The following DNAH9 variants were observed in gnomAD, a reference collection of about 807,000 sequenced individuals.
DNAH9 encodes DNAH9 variant protein.
DNAH9 carries 345 observed loss-of-function variants against 471.6 expected under a neutral mutation model. That is an observed-to-expected ratio of 0.73 (90% CI 0.67 to 0.80). The LOEUF (loss-of-function observed/expected upper bound fraction) is 0.80, where lower values mean the gene tolerates loss of function less well. Among genes scored for constraint, DNAH9 ranks in the 30% least tolerant of loss-of-function variants. The probability of loss-of-function intolerance (pLI) is 0.00; values close to 1 mark genes in which losing one functional copy is unlikely to be tolerated. For missense variants in DNAH9, 5,407 were observed against 5,609.2 expected (o/e 0.96, Z 1.15); for synonymous variants, 2,093 against 2,123.6 (o/e 0.99, Z 0.40).
intron 9 of DNAH9, among the ~76,000 whole-genome samples, chr17:11,637,166 C>G (rs2073181502): frequency 6.6e-6 from 1 of 152,182 alleles, no homozygotes; most frequent in Admixed American, 6.5e-5. Flanking sequence ...CTTCCAATGC[C>G]ATAGCAACCA....
chr17:11,827,043 T>C (rs1484894407), intron 48 of DNAH9, among the ~76,000 whole-genome samples: 1 of 152,214 alleles, frequency 6.6e-6, no homozygotes, highest in Non-Finnish European at 1.5e-5. Flanking sequence ...CAGGATTGTC[T>C]CAATCTCTTA....
intron 40 of DNAH9, 149 bp from the exon 41 acceptor site, chr17:11,784,151 C>A: frequency 8.3e-7 from 1 of 1,204,272 alleles, no homozygotes; most frequent in Non-Finnish European, 1.2e-6. Context: ...ATTTTAGGTT[C>A]AACCTAAATT....
intron 53 of DNAH9, chr17:11,875,679 A>T (rs1404453504): frequency 6.4e-6 from 1 of 155,252 alleles, no homozygotes; most frequent in Non-Finnish European, 1.4e-5. Context: ...TAGTTATGAA[A>T]CCTTCAGAGC....
At chr17:11,720,374 A>G (rs1279076789) in intron 27 of DNAH9, among the ~76,000 whole-genome samples, 2 of 152,068 alleles carry the variant, frequency 1.3e-5, no homozygotes. Context: ...TATTAGTTGT[A>G]TCTCCTAATG....
At chr17:11,787,109 G>A (rs183550002) in intron 41 of DNAH9, among the ~76,000 whole-genome samples, 3 of 152,234 alleles carry the variant, frequency 2.0e-5, no homozygotes, top group Admixed American at 6.5e-5. Flanking sequence ...AACAATTCAC[G>A]AATCCGAATT....
intron 28 of DNAH9, among the ~76,000 whole-genome samples, chr17:11,732,491 G>A (rs189357169): frequency 1.7e-3 from 252 of 151,952 alleles, no homozygotes; most frequent in African/African-American, 5.6e-3. Context: ...CCTCTCCACT[G>A]CTTGTCCGTC....
Position 11,783,696 on chromosome 17 carries a change from T to C in DNAH9, c.7769T>C (p.Val2590Ala). The change falls in exon 40 of 69, where the codon GTT (valine) becomes GCT (alanine). Residue 2590 changes from valine (V) to alanine (A), a missense_variant. Val to Ala is a moderately conservative substitution (Grantham distance 64). Around this residue, in one of 3 missense-constraint regions of DNAH9, gnomAD observed 4,636 missense variants for 4,900.3 expected, o/e 0.95. Coordinates refer to ENST00000262442, the MANE Select transcript of DNAH9 (RefSeq NM_001372.4). ...SLKEITNVQY[V>A]SCMNPTAGSF... is the part of the protein sequence containing the mutation. The stretch of plus-strand genomic sequence containing the variant: ...AAGGAGATCACAAATGTACAGTATG[T>C]TTCCTGTATGAACCCCACGGCAGGC... 6.2e-7 allele frequency: 1 copy of C among 1,614,122 alleles called. No individual in the cohort carries two copies. Among genetic ancestry groups the C allele is most frequent in the East Asian group, 2.2e-5 (1 of 44,868 alleles).
chr17:11,685,003 T>C (rs1398029901), intron 19 of DNAH9, among the ~76,000 whole-genome samples: 1 of 152,022 alleles, frequency 6.6e-6, no homozygotes, highest in Non-Finnish European at 1.5e-5. Context: ...TTTCATGGAG[T>C]AGATGAGGTT....
At chr17:11,698,714 A>G (rs2074537352) in intron 22 of DNAH9, among the ~76,000 whole-genome samples, 1 of 152,062 alleles carries the variant, frequency 6.6e-6, no homozygotes, top group Non-Finnish European at 1.5e-5. Flanking sequence ...ACCAGGGGGC[A>G]GGTTCTGTTT....
chr17:11,632,793 G>A, intron 8 of DNAH9, 90 bp downstream of exon 8: 1 of 619,346 alleles, frequency 1.6e-6, no homozygotes, highest in East Asian at 2.5e-5. Flanking sequence ...CACCTGTTCT[G>A]TTCCTGCAAC....
At chr17:11,654,791 A>G (rs1056059749) in intron 14 of DNAH9, among the ~76,000 whole-genome samples, 2 of 152,054 alleles carry the variant, frequency 1.3e-5, no homozygotes, top group Admixed American at 6.6e-5. Context: ...TACTTTCATT[A>G]TCATTTTATT....
chr17:11,960,813 T>C (rs940055933), intron 67 of DNAH9, among the ~76,000 whole-genome samples: 1 of 152,230 alleles, frequency 6.6e-6, no homozygotes, highest in African/African-American at 2.4e-5. Flanking sequence ...TAGAATTCCA[T>C]GTGCCAGTCT....
intron 17 of DNAH9, among the ~76,000 whole-genome samples, chr17:11,677,533 TC>T (rs2074067003): frequency 6.6e-6 from 1 of 152,232 alleles, no homozygotes. Flanking sequence ...GCTGTGCCCT[TC>T]CATTAGAAGA....
intron 66 of DNAH9, among the ~76,000 whole-genome samples, chr17:11,940,101 A>G (rs1974852714): frequency 6.6e-6 from 1 of 152,254 alleles, no homozygotes. Flanking sequence ...AGAAATGTTT[A>G]GATTTTTCTG....
rs139235623 is a variant in DNAH9, at chr17:11,799,727, G to A, written c.8420+1934G>A. Among the ~76,000 whole-genome samples, 1,457 of 152,196 alleles carry A rather than the reference G, an allele frequency of 9.6e-3. 23 individuals carry two copies. The highest frequency in any genetic ancestry group is 0.034 in the African/African-American group (1,393 of 41,508). ...GCCTCTGAAGTAGCTGGGATTACAG[G>A]TGCCCACCACCAGGCCTGGCTAATT... is the stretch of plus-strand genomic sequence containing the variant. On this transcript the variant is annotated intron_variant, in intron 43 of 68. Coordinates refer to ENST00000262442, the MANE Select transcript of DNAH9 (RefSeq NM_001372.4).
At chr17:11,857,783 G>A (rs1971679528) in intron 50 of DNAH9, among the ~76,000 whole-genome samples, 1 of 152,138 alleles carries the variant, frequency 6.6e-6, no homozygotes, top group Non-Finnish European at 1.5e-5. Context: ...CAGTGAGTGA[G>A]TTCTTGTGAT....
chr17:11,756,605 A>AC lies in DNAH9; in HGVS notation c.6780dup (p.Thr2261HisfsTer7). ...GCCAGCAATGAGAGGATTCCTCTGAACCCCACCATGAAGCTCCTCTTTGAG... is the reference window on the plus strand; with the variant it reads ...GCCAGCAATGAGAGGATTCCTCTGAACCCCCACCATGAAGCTCCTCTTTGAG... On this transcript the variant is annotated frameshift_variant, in exon 34 of 69. Transcript: ENST00000262442. LOFTEE classifies it high-confidence loss of function. 1 of 1,613,746 alleles carries AC rather than the reference A, an allele frequency of 6.2e-7. No individual in the cohort carries two copies. The highest frequency in any genetic ancestry group is 8.5e-7 in the Non-Finnish European group (1 of 1,179,772).
In DNAH9 at chr17:11,617,554, A is replaced by C. The variant is rs1472675912; in HGVS notation, c.1048A>C (p.Lys350Gln). 1.2e-6 allele frequency: 2 copies of C among 1,614,144 alleles called. No homozygotes were observed. ...GGTCTGTCTGATTTGGGCCACATGC[A>C]AGTCCTACCGCTCCCCGGGAAGGCT... ...HVVCLIWATC[K>Q]SYRSPGRLTV... The change falls in exon 5 of 69, where the codon AAG becomes CAG. Residue 350 changes from lysine to glutamine, a missense_variant. Lys to Gln is a moderately conservative substitution (Grantham distance 53). This residue lies in a region of DNAH9 where 767 missense variants were observed against 692.5 expected (regional missense o/e 1.11). Coordinates refer to ENST00000262442, the MANE Select transcript of DNAH9 (RefSeq NM_001372.4).
rs1211686724 is a variant in DNAH9 at position 11,903,900 on chromosome 17, G to A, written c.11600+988G>A. ...CACTCTAGCCTGGGCAACAGAGGGA[G>A]ACTCCATTTTAAAAAAGAAAGAAGG... On this transcript the variant is annotated intron_variant, in intron 60 of 68. Transcript: ENST00000262442. Among the ~76,000 whole-genome samples the A allele has an allele frequency of 1.7e-5, 2 of 116,590 alleles. 1 individual carries two copies. The highest frequency in any genetic ancestry group is 6.6e-4 in the South Asian group (2 of 3,024). 76.5% of individuals were successfully genotyped at this position (116,590 alleles called of 152,430 possible).
Sources: gnomAD v4.1 joint callset for allele counts (sites outside exome capture counted in the v4.1 genomes callset) on GRCh38, gnomAD v4.1.1 for gene constraint, gnomAD v4.1.1 regional missense constraint, MANE v1.5 for transcripts, NCBI Gene and HGNC (gene_info 2026-07-23, HGNC 2026-07-21) for gene names.